MACROD2: variants seen among roughly 807,000 people sequenced by gnomAD.
MACROD2 encodes the protein ADP-ribose glycohydrolase MACROD2.
Under a neutral mutation model 70.4 loss-of-function variants are expected in MACROD2, and 36 were observed. The observed-to-expected ratio is 0.51, with a 90% CI of 0.39 to 0.68. MACROD2 has a LOEUF of 0.68. MACROD2 is among the 30% of genes least tolerant of loss of function. The pLI, the probability that MACROD2 is intolerant of heterozygous loss-of-function variation, is 0.00. For missense variants in MACROD2, 496 were observed against 538.4 expected (o/e 0.92, Z 0.78); for synonymous variants, 172 against 178.8 (o/e 0.96, Z 0.30).
chr20:14,225,063 T>A (rs2122180259), intron 3 of MACROD2, among the ~76,000 whole-genome samples: 1 of 152,352 alleles, frequency 6.6e-6, no homozygotes, highest in Admixed American at 6.5e-5. Context: ...AGGTTGTAGG[T>A]CAGATGGGTG....
intron 5 of MACROD2, among the ~76,000 whole-genome samples, chr20:14,982,527 G>T (rs914571141): frequency 6.6e-6 from 1 of 152,174 alleles, no homozygotes; most frequent in African/African-American, 2.4e-5. Flanking sequence ...ACCATGCTGT[G>T]TGCAGCCTAG....
chr20:14,196,916 G>T (rs887513461), intron 3 of MACROD2, among the ~76,000 whole-genome samples: 8 of 152,222 alleles, frequency 5.3e-5, no homozygotes, highest in Non-Finnish European at 1.0e-4. Context: ...GTACCAGTTT[G>T]GGCCCTGCCC....
chr20:14,194,639 T>C (rs1040308179), intron 3 of MACROD2, among the ~76,000 whole-genome samples: 1 of 152,114 alleles, frequency 6.6e-6, no homozygotes, highest in African/African-American at 2.4e-5. Context: ...CTGAGTCAGA[T>C]GGAGCGGGGA....
intron 7 of MACROD2, among the ~76,000 whole-genome samples, chr20:15,490,027 C>A (rs2047208102): frequency 6.6e-6 from 1 of 152,144 alleles, no homozygotes; most frequent in Admixed American, 6.5e-5. Flanking sequence ...CATATCATTA[C>A]TTTCTCTTCA....
At chr20:14,887,022 T>G (rs1310730368) in intron 5 of MACROD2, among the ~76,000 whole-genome samples, 1 of 152,136 alleles carries the variant, frequency 6.6e-6, no homozygotes, top group Non-Finnish European at 1.5e-5. Flanking sequence ...TTTTTTGATT[T>G]TTGGCAGAGG....
At chr20:15,718,778 G>A (rs548707498) in intron 8 of MACROD2, among the ~76,000 whole-genome samples, 2 of 152,342 alleles carry the variant, frequency 1.3e-5, no homozygotes, top group South Asian at 4.1e-4. Flanking sequence ...TTGCAGAATA[G>A]TAGTAAATCT....
intron 7 of MACROD2, among the ~76,000 whole-genome samples, chr20:15,437,363 C>T (rs2046440290): frequency 6.6e-6 from 1 of 152,060 alleles, no homozygotes; most frequent in African/African-American, 2.4e-5. Flanking sequence ...AATCTTGGGT[C>T]CCTTCCTGAA....
At chr20:14,496,067 T>G (rs2084849540) in intron 4 of MACROD2, among the ~76,000 whole-genome samples, 1 of 152,200 alleles carries the variant, frequency 6.6e-6, no homozygotes, top group African/African-American at 2.4e-5. Flanking sequence ...CTGAGCTGAT[T>G]TTTGACCTTA....
chr20:14,586,042 C>A (rs1392400288), intron 4 of MACROD2, among the ~76,000 whole-genome samples: 1 of 151,932 alleles, frequency 6.6e-6, no homozygotes, highest in Non-Finnish European at 1.5e-5. Context: ...CTTGTGATGG[C>A]CTTGTTTGTG....
intron 5 of MACROD2, among the ~76,000 whole-genome samples, chr20:14,690,979 G>A (rs1175300762): frequency 6.6e-6 from 1 of 152,116 alleles, no homozygotes; most frequent in Non-Finnish European, 1.5e-5. Flanking sequence ...GTGCAATGGC[G>A]CGATCTTGGC....
intron 5 of MACROD2, among the ~76,000 whole-genome samples, chr20:14,799,759 GAGACC>G (rs1267884726): frequency 1.3e-5 from 2 of 152,008 alleles, no homozygotes; most frequent in African/African-American, 4.8e-5. Context: ...TATAATTGCA[GAGACC>G]TTACTTGCTG....
At chr20:15,615,563 G>A (rs1463055248) in intron 8 of MACROD2, among the ~76,000 whole-genome samples, 2 of 152,036 alleles carry the variant, frequency 1.3e-5, no homozygotes, top group African/African-American at 2.4e-5. Flanking sequence ...GCCGGCACTC[G>A]ATACTAGCAG....
At chr20:14,105,723 C>T (rs980898489) in intron 3 of MACROD2, among the ~76,000 whole-genome samples, 4 of 152,128 alleles carry the variant, frequency 2.6e-5, no homozygotes, top group African/African-American at 7.2e-5. Context: ...GTGCAGTTTG[C>T]AGCAACAAAA....
chr20:15,703,509 C>A (rs975514427), intron 8 of MACROD2, among the ~76,000 whole-genome samples: 6 of 152,216 alleles, frequency 3.9e-5, no homozygotes, highest in African/African-American at 1.4e-4. Context: ...ATTGACTCAC[C>A]ATCTTCCAAA....
intron 3 of MACROD2, among the ~76,000 whole-genome samples, chr20:14,355,819 G>T (rs1568574397): frequency 6.6e-6 from 1 of 152,296 alleles, no homozygotes; most frequent in East Asian, 1.9e-4. Context: ...AGGTCTGGTA[G>T]AGATTGGCTA....
At chr20:15,814,954 A>G (rs2063857698) in intron 8 of MACROD2, among the ~76,000 whole-genome samples, 1 of 149,876 alleles carries the variant, frequency 6.7e-6, no homozygotes, top group Admixed American at 6.7e-5. Context: ...AATTATGTCC[A>G]GAAGAATGGC....
rs1295119993 is a variant in MACROD2, at chr20:14,567,089, C to G, written c.301+73581C>G. Among the ~76,000 whole-genome samples, 5 of 152,006 alleles carry G rather than the reference C, an allele frequency of 3.3e-5. No individual in the cohort carries two copies. In the East Asian group the frequency reaches 7.8e-4, roughly 24 times the overall value. On this transcript the variant is annotated intron_variant, in intron 4 of 17. Coordinates refer to ENST00000684519, the MANE Select transcript of MACROD2 (RefSeq NM_001351661.2). ...CCTTTTGCCTCAGACTCCCTAGTAG[C>G]TAGGACTACAGGTGTGTGCCACCAC...
chr20:15,473,369 G>T (rs2046983849), intron 7 of MACROD2, among the ~76,000 whole-genome samples: 1 of 152,152 alleles, frequency 6.6e-6, no homozygotes, highest in African/African-American at 2.4e-5. Flanking sequence ...CAGTGAAAGG[G>T]CTGGGATTAT....
intron 2 of MACROD2, chr20:14,051,729 G>C (rs1179907833): frequency 2.4e-6 from 1 of 413,608 alleles, no homozygotes; most frequent in East Asian, 7.2e-5. Flanking sequence ...GGTATATCCT[G>C]GTGGGTATTT....
Sources: allele counts gnomAD v4.1 joint callset (sites outside exome capture counted in the v4.1 genomes callset), GRCh38; gene constraint gnomAD v4.1.1; transcripts MANE v1.5; gene names NCBI Gene and HGNC (gene_info 2026-07-23, HGNC 2026-07-21).